The following SLC13A3 variants were observed in gnomAD, a reference collection of about 807,000 sequenced individuals.
SLC13A3 encodes the protein Na(+)/dicarboxylate cotransporter 3.
Under a neutral mutation model 59.0 loss-of-function variants are expected in SLC13A3, and 40 were observed. That is an observed-to-expected ratio of 0.68 (90% CI 0.53 to 0.88). SLC13A3 has a LOEUF of 0.88. Ranked by LOEUF, SLC13A3 falls within the 40% of genes least tolerant of loss-of-function variation. The pLI, the probability that SLC13A3 is intolerant of heterozygous loss-of-function variation, is 0.00. For missense variants in SLC13A3, 699 were observed against 783.2 expected, an observed-to-expected ratio of 0.89 and a Z score of 1.28; for synonymous variants, 317 against 330.3, an observed-to-expected ratio of 0.96 and a Z score of 0.44.
At chr20:46,630,904 T>G (rs900291799) in intron 1 of SLC13A3, among the ~76,000 whole-genome samples, 1 of 152,228 alleles carries the variant, frequency 6.6e-6, no homozygotes, top group African/African-American at 2.4e-5. Context: ...TGTAGACATA[T>G]GATCATACCA....
chr20:46,574,064 C>T (rs1476410780), intron 10 of SLC13A3, among the ~76,000 whole-genome samples: 2 of 152,170 alleles, frequency 1.3e-5, no homozygotes, highest in Non-Finnish European at 2.9e-5. Context: ...GCTGTGCAAA[C>T]GTAGGCGAGC....
At chr20:46,621,876 T>C (rs535847286) in intron 1 of SLC13A3, among the ~76,000 whole-genome samples, 1 of 152,388 alleles carries the variant, frequency 6.6e-6, no homozygotes, top group African/African-American at 2.4e-5. Context: ...AGTACATATA[T>C]TTATTTGACC....
chr20:46,627,772 A>G (rs907992349), intron 1 of SLC13A3, among the ~76,000 whole-genome samples: 7 of 152,208 alleles, frequency 4.6e-5, no homozygotes, highest in Non-Finnish European at 8.8e-5. Context: ...ACACATACGC[A>G]ATACTGAATG....
At chr20:46,578,397 C>T (rs927368116) in intron 9 of SLC13A3, among the ~76,000 whole-genome samples, 1 of 151,854 alleles carries the variant, frequency 6.6e-6, no homozygotes, top group Non-Finnish European at 1.5e-5. Flanking sequence ...ATATACTGGC[C>T]GGGCATGGTG....
chr20:46,604,357 C>T (rs1600547724), intron 3 of SLC13A3, among the ~76,000 whole-genome samples: 1 of 152,296 alleles, frequency 6.6e-6, no homozygotes, highest in Non-Finnish European at 1.5e-5. Context: ...CCCCTCACTG[C>T]TGTAGTAAAT....
intron 1 of SLC13A3, among the ~76,000 whole-genome samples, chr20:46,679,119 C>A (rs1361801885): frequency 6.6e-6 from 1 of 152,208 alleles, no homozygotes; most frequent in South Asian, 2.1e-4. Flanking sequence ...CTATAAATTA[C>A]CCAGCCTCAG....
At chr20:46,597,454 G>T (rs1439158954) in intron 4 of SLC13A3, among the ~76,000 whole-genome samples, 1 of 151,878 alleles carries the variant, frequency 6.6e-6, no homozygotes, top group Non-Finnish European at 1.5e-5. Flanking sequence ...TTTCATTTTT[G>T]AGACAGAGCT....
At chr20:46,653,806 G>A (rs565117245), upstream of SLC13A3, among the ~76,000 whole-genome samples, 1 of 152,196 alleles carries the variant, frequency 6.6e-6, no homozygotes, top group East Asian at 1.9e-4. Flanking sequence ...ATATTCCATT[G>A]TATGGATATA....
chr20:46,617,591 TGTGTGTGTGTGTGTGTGC>T (rs2062570489), intron 1 of SLC13A3, among the ~76,000 whole-genome samples: 1 of 51,840 alleles, frequency 1.9e-5, no homozygotes, highest in Non-Finnish European at 3.3e-5. Flanking sequence ...GAAAAACTTG[TGTGTGTGTGTGTGTGTGC>T]GTGTGTGTGT....
chr20:46,626,097 T>TTCTCTCTCTCTCTCTCTC (rs74176872), intron 1 of SLC13A3, among the ~76,000 whole-genome samples: 3 of 145,794 alleles, frequency 2.1e-5, no homozygotes, highest in African/African-American at 7.8e-5. Flanking sequence ...CAAAGCTGTA[T>TTCTCTCTCTCTCTCTCTC]TCTCTCTCTC....
intron 1 of SLC13A3, among the ~76,000 whole-genome samples, chr20:46,617,104 C>G (rs934354045): frequency 6.6e-6 from 1 of 152,190 alleles, no homozygotes; most frequent in Non-Finnish European, 1.5e-5. Flanking sequence ...GGATTGTGTT[C>G]CCAGTGCCAA....
chr20:46,655,855 A>G (rs918684301), upstream of SLC13A3, among the ~76,000 whole-genome samples: 1 of 136,834 alleles, frequency 7.3e-6, no homozygotes, highest in South Asian at 2.2e-4. Flanking sequence ...ACTGTATATA[A>G]TATATATACT....
upstream of SLC13A3, among the ~76,000 whole-genome samples, chr20:46,655,809 C>T (rs556398621): frequency 3.6e-5 from 5 of 140,730 alleles, no homozygotes; most frequent in South Asian, 1.1e-3. Context: ...ATATATAATA[C>T]TGTATATACT....
In SLC13A3 at chr20:46,613,595, A is replaced by C. The variant is rs1296991756; in HGVS notation, c.242T>G (p.Val81Gly). ...PFMGILPSNK[V>G]CPQYFLDTNF... Reference sequence around the variant, plus strand: ...GGTGTCGAGGAAGTACTGGGGGCAGACCTTGTTGGAGGGCAAGATGCCCAT... The same window carrying C: ...GGTGTCGAGGAAGTACTGGGGGCAGCCCTTGTTGGAGGGCAAGATGCCCAT... Residue 81 changes from valine to glycine, a missense_variant, in exon 2 of 13, where the codon GTC becomes GGC. Physicochemically the swap from Val to Gly is moderately radical, Grantham distance 109. Coordinates refer to ENST00000279027, the MANE Select transcript of SLC13A3 (RefSeq NM_022829.6). 1 of 1,613,560 alleles carries C rather than the reference A, an allele frequency of 6.2e-7. No individual in the cohort carries two copies. Among genetic ancestry groups the C allele is most frequent in the East Asian group, 2.2e-5 (1 of 44,858 alleles).
intron 6 of SLC13A3, among the ~76,000 whole-genome samples, chr20:46,590,513 AAC>A (rs767758608): frequency 2.6e-5 from 4 of 152,194 alleles, no homozygotes; most frequent in Non-Finnish European, 5.9e-5. Flanking sequence ...TAAAAATATG[AAC>A]ACACAGTTTC....
chr20:46,665,643 T>C (rs1182455832), intron 1 of SLC13A3, among the ~76,000 whole-genome samples: 1 of 152,250 alleles, frequency 6.6e-6, no homozygotes, highest in Non-Finnish European at 1.5e-5. Flanking sequence ...TATTCAATCA[T>C]CAGTTAATAC....
chr20:46,606,228 G>T (rs1360849609), intron 3 of SLC13A3, among the ~76,000 whole-genome samples: 1 of 152,154 alleles, frequency 6.6e-6, no homozygotes, highest in African/African-American at 2.4e-5. Flanking sequence ...AAGGTGGAAC[G>T]AGGTAGGAGG....
upstream of SLC13A3, chr20:46,673,775 G>C (rs1420040959): frequency 6.6e-6 from 1 of 152,218 alleles, no homozygotes; most frequent in Non-Finnish European, 1.5e-5. Flanking sequence ...CACACTCCCA[G>C]TGCCTGGAAC....
At chr20:46,611,302 G>A (rs1000884747) in intron 2 of SLC13A3, among the ~76,000 whole-genome samples, 2 of 152,016 alleles carry the variant, frequency 1.3e-5, no homozygotes, top group African/African-American at 2.4e-5. Context: ...TTTAATTATT[G>A]TAATTTTAGA....
Sources: gnomAD v4.1 joint callset for allele counts (sites outside exome capture counted in the v4.1 genomes callset) on GRCh38, gnomAD v4.1.1 for gene constraint, MANE v1.5 for transcripts, NCBI Gene and HGNC (gene_info 2026-07-23, HGNC 2026-07-21) for gene names.